Variants in TTC33 observed in about 807,000 individuals in gnomAD.
TTC33 encodes the protein tetratricopeptide repeat domain 33, also known as tetratricopeptide repeat protein 33.
In TTC33, 24 loss-of-function variants were observed where a neutral mutation model predicts 29.4. The observed-to-expected ratio is 0.82, with a 90% CI of 0.59 to 1.15. The LOEUF (loss-of-function observed/expected upper bound fraction) is 1.15. Among genes scored for constraint, TTC33 ranks in the 50% most tolerant of loss-of-function variants. The pLI is 0.00. For missense variants in TTC33, 286 were observed against 310.4 expected (o/e 0.92, Z 0.59); for synonymous variants, 107 against 100.3 (o/e 1.07, Z -0.40).
At chr5:40,733,166 GA>G (rs1448346038) in intron 2 of TTC33, among the ~76,000 whole-genome samples, 1 of 152,074 alleles carries the variant, frequency 6.6e-6, no homozygotes, top group Non-Finnish European at 1.5e-5. Context: ...AATATAGGTA[GA>G]AAAAAACAAA....
intron 1 of TTC33, among the ~76,000 whole-genome samples, chr5:40,753,145 A>C (rs1004259371): frequency 5.3e-5 from 8 of 152,070 alleles, no homozygotes; most frequent in Non-Finnish European, 7.4e-5. Flanking sequence ...CAGGCGGATC[A>C]CCTGAGGTCA....
rs541850994 is a variant in TTC33, at chr5:40,741,716, C to T, written c.221+5082G>A. On this transcript the variant is annotated intron_variant, in intron 2 of 4. Coordinates refer to ENST00000337702, the MANE Select transcript of TTC33 (RefSeq NM_012382.3). ...GAAATTAAGGGAGCTCAGCCACGCA[C>T]GGTAGCTCACACCTGTAATTCCAGC... Among the ~76,000 whole-genome samples the T allele has an allele frequency of 3.9e-4, 60 of 152,272 alleles. 1 individual carries two copies. The highest frequency in any genetic ancestry group is 1.3e-3 in the African/African-American group (56 of 41,554).
intron 2 of TTC33, among the ~76,000 whole-genome samples, chr5:40,739,064 T>C (rs1201783465): frequency 6.6e-6 from 1 of 152,206 alleles, no homozygotes; most frequent in East Asian, 1.9e-4. Context: ...ACTGACCACA[T>C]ACATGTGGGT....
chr5:40,736,261 G>A (rs938099287), intron 2 of TTC33, among the ~76,000 whole-genome samples: 2 of 152,222 alleles, frequency 1.3e-5, no homozygotes, highest in South Asian at 2.1e-4. Flanking sequence ...TTTCCACAGA[G>A]CATGAGGCAA....
chr5:40,730,469 G>C, intron 2 of TTC33, 126 bp from the exon 3 acceptor site: 2 of 656,262 alleles, frequency 3.0e-6, no homozygotes, highest in South Asian at 4.2e-5. Context: ...ACAGTTCAGA[G>C]GCATTAAGTA....
chr5:40,753,352 A>AAAACTCC (rs1742930439), intron 1 of TTC33, among the ~76,000 whole-genome samples: 1 of 151,778 alleles, frequency 6.6e-6, no homozygotes, highest in African/African-American at 2.4e-5. Flanking sequence ...CGACACGAGC[A>AAAACTCC]AAACTCCATC....
At chr5:40,722,924 C>G (rs1742182134) in intron 4 of TTC33, among the ~76,000 whole-genome samples, 1 of 152,174 alleles carries the variant, frequency 6.6e-6, no homozygotes, top group Admixed American at 6.5e-5. Context: ...AGCCGCCACC[C>G]CATCTGGGAG....
intron 2 of TTC33, among the ~76,000 whole-genome samples, chr5:40,742,096 AAC>A (rs1309612316): frequency 6.6e-6 from 1 of 152,126 alleles, no homozygotes; most frequent in African/African-American, 2.4e-5. Context: ...AATGGTTGAA[AAC>A]AGTTTTTTTT....
Position 40,716,494 on chromosome 5 carries a change from A to G in TTC33, c.440T>C (p.Ile147Thr). The stretch of plus-strand genomic sequence containing the variant: ...GTGAAGGGCTACTTGAAAACTTCGA[A>G]TTGCCTAGAAAATAAGGTCAGAGTT... The part of the protein sequence containing the change: ...QLGLGEIILA[I>T]RSFQVALHIY... The change falls in exon 5 of 5, where the codon ATT (isoleucine) becomes ACT (threonine). Residue 147 changes from isoleucine to threonine, a missense_variant. Coordinates refer to ENST00000337702, the MANE Select transcript of TTC33 (RefSeq NM_012382.3). 1 of 1,584,252 alleles carries G rather than the reference A, an allele frequency of 6.3e-7. No individual in the cohort carries two copies. The highest frequency in any genetic ancestry group is 8.6e-7 in the Non-Finnish European group (1 of 1,168,458).
At chr5:40,734,332 A>T (rs187429250) in intron 2 of TTC33, among the ~76,000 whole-genome samples, 1 of 152,314 alleles carries the variant, frequency 6.6e-6, no homozygotes, top group Admixed American at 6.5e-5. Flanking sequence ...GACTGAACAG[A>T]CACAGCCCTA....
At chr5:40,730,150 C>T (rs1159005104) in intron 3 of TTC33, 112 bp downstream of exon 3, 12 of 772,094 alleles carry the variant, frequency 1.6e-5, no homozygotes, top group South Asian at 6.2e-5. Context: ...CCAAAGAAAC[C>T]GTATTTGTAA....
chr5:40,742,296 C>A (rs1742711419), intron 2 of TTC33, among the ~76,000 whole-genome samples: 1 of 151,916 alleles, frequency 6.6e-6, no homozygotes, highest in Admixed American at 6.6e-5. Flanking sequence ...CAATCAAGGA[C>A]ACAGAATAAT....
intron 3 of TTC33, 120 bp from the exon 4 acceptor site, chr5:40,728,596 AT>A: frequency 1.1e-6 from 1 of 912,348 alleles, no homozygotes; most frequent in Non-Finnish European, 1.6e-6. Flanking sequence ...CATTTCGGTG[AT>A]TTTTACCCCT....
intron 4 of TTC33, among the ~76,000 whole-genome samples, chr5:40,717,205 G>A (rs1311302452): frequency 2.4e-5 from 3 of 126,350 alleles, no homozygotes; most frequent in African/African-American, 8.5e-5. Context: ...CTCCAGCCTG[G>A]GCAAAAAGAG....
chr5:40,722,852 C>T (rs1184387675), intron 4 of TTC33, among the ~76,000 whole-genome samples: 6 of 144,496 alleles, frequency 4.2e-5, no homozygotes, highest in East Asian at 2.2e-4. Flanking sequence ...CTGCCCCGTC[C>T]GGGAGGTGGG....
chr5:40,740,126 T>A (rs904286416), intron 2 of TTC33, among the ~76,000 whole-genome samples: 1 of 152,144 alleles, frequency 6.6e-6, no homozygotes, highest in Non-Finnish European at 1.5e-5. Flanking sequence ...TATTTACTTC[T>A]ATATAACTTT....
chr5:40,753,092 C>T (rs62356516), intron 1 of TTC33, among the ~76,000 whole-genome samples: 2 of 152,160 alleles, frequency 1.3e-5, no homozygotes, highest in Admixed American at 6.5e-5. Context: ...AGGCTGGGCG[C>T]GGTGGCTCAC....
chr5:40,753,375 A>C (rs888339384), intron 1 of TTC33, among the ~76,000 whole-genome samples: 2 of 151,062 alleles, frequency 1.3e-5, no homozygotes, highest in African/African-American at 4.9e-5. Flanking sequence ...AAAAAAAAAA[A>C]GAAAGAAAGA....
chr5:40,721,473 C>T (rs1463876095), intron 4 of TTC33, among the ~76,000 whole-genome samples: 1 of 152,114 alleles, frequency 6.6e-6, no homozygotes, highest in African/African-American at 2.4e-5. Context: ...GTCAGCTGAT[C>T]TTCAACAAGG....
Sources: allele counts gnomAD v4.1 joint callset (sites outside exome capture counted in the v4.1 genomes callset), GRCh38; gene constraint gnomAD v4.1.1; transcripts MANE v1.5; gene names NCBI Gene and HGNC (gene_info 2026-07-23, HGNC 2026-07-21).